The following THSD7A variants were observed in gnomAD, a reference collection of about 807,000 sequenced individuals.
THSD7A encodes thrombospondin type-1 domain-containing protein 7A.
In THSD7A, 96 loss-of-function variants were observed where a neutral mutation model predicts 231.3. The observed-to-expected ratio is 0.41, with a 90% confidence interval of 0.35 to 0.49. The LOEUF is 0.49. Ranked by LOEUF, THSD7A falls within the 20% of genes least tolerant of loss-of-function variation. The pLI is 0.05. For synonymous variants in THSD7A, 940 were observed against 743.3 expected, an observed-to-expected ratio of 1.26 and a Z score of -4.30; for missense variants, 2,290 against 2,070.2, an observed-to-expected ratio of 1.11 and a Z score of -2.06.
intron 2 of THSD7A, among the ~76,000 whole-genome samples, chr7:11,621,793 C>G (rs1339236147): frequency 6.6e-6 from 1 of 152,032 alleles, no homozygotes; most frequent in African/African-American, 2.4e-5. Flanking sequence ...ACCAGTGATG[C>G]AGTAATTTTT....
At chr7:11,766,057 G>A (rs1050518262) in intron 1 of THSD7A, among the ~76,000 whole-genome samples, 2 of 152,006 alleles carry the variant, frequency 1.3e-5, no homozygotes, top group Non-Finnish European at 2.9e-5. Flanking sequence ...AGCTAAAAGT[G>A]AAAAAAATAC....
At chr7:11,687,888 A>AT (rs1015143302) in intron 1 of THSD7A, among the ~76,000 whole-genome samples, 2 of 150,766 alleles carry the variant, frequency 1.3e-5, no homozygotes, top group African/African-American at 4.9e-5. Context: ...ATTTAATTTT[A>AT]TTTTTTTAAG....
intron 1 of THSD7A, among the ~76,000 whole-genome samples, chr7:11,694,014 C>T (rs535980859): frequency 6.6e-6 from 1 of 151,424 alleles, no homozygotes; most frequent in Non-Finnish European, 1.5e-5. Context: ...AGGTTTCTAA[C>T]GGTAGTCAGA....
intron 23 of THSD7A, among the ~76,000 whole-genome samples, chr7:11,391,726 C>A (rs1391620252): frequency 6.6e-6 from 1 of 152,196 alleles, no homozygotes; most frequent in Non-Finnish European, 1.5e-5. Context: ...GTGGTTGAAA[C>A]CCAGGGCCCT....
rs1169144223 is a variant in THSD7A at position 11,820,972 on chromosome 7, G to A, written c.190+10785C>T. On this transcript the variant is annotated intron_variant, in intron 1 of 27. Coordinates refer to ENST00000423059, the MANE Select transcript of THSD7A (RefSeq NM_015204.3). ...TTTTTATGACGTTCAATATCAAGGCGGAGATCAACAGGATCATCTCTGTAT... is the reference window on the plus strand; with the variant it reads ...TTTTTATGACGTTCAATATCAAGGCAGAGATCAACAGGATCATCTCTGTAT... The A allele has an allele frequency of 3.9e-5, 40 of 1,036,694 alleles. 1 individual carries two copies. The Admixed American group carries it at 7.4e-4, about 19-fold the overall frequency. The allele number at this position is 1,036,694 out of a possible 1,614,324, so 64.2% of individuals were successfully genotyped here.
rs901592604 is a variant in THSD7A, at chr7:11,491,607, C to A, written c.1823-9625G>T. Among the ~76,000 whole-genome samples the A allele has an allele frequency of 1.6e-4, 24 of 148,612 alleles. 1 individual carries two copies. Among genetic ancestry groups the A allele is most frequent in the East Asian group, 7.9e-4 (4 of 5,048 alleles). On this transcript the variant is annotated intron_variant, in intron 6 of 27. Coordinates refer to ENST00000423059, the MANE Select transcript of THSD7A (RefSeq NM_015204.3). The stretch of plus-strand genomic sequence containing the variant: ...GTACTTAATGAGAGGAATTATGCTA[C>A]TAAATAAGATAAATTATATATCATA...
chr7:11,472,576 T>C (rs1458174878), intron 8 of THSD7A, among the ~76,000 whole-genome samples: 2 of 152,148 alleles, frequency 1.3e-5, no homozygotes, highest in Non-Finnish European at 2.9e-5. Context: ...ACATAAGTCA[T>C]TGAATGAAGG....
intron 13 of THSD7A, among the ~76,000 whole-genome samples, chr7:11,429,958 T>C (rs911013536): frequency 6.6e-6 from 1 of 152,230 alleles, no homozygotes; most frequent in Non-Finnish European, 1.5e-5. Flanking sequence ...AACTACAAAC[T>C]TGCCATTTCA....
chr7:11,623,354 G>A (rs1003272364), intron 2 of THSD7A, among the ~76,000 whole-genome samples: 3 of 152,070 alleles, frequency 2.0e-5, no homozygotes, highest in East Asian at 3.9e-4. Context: ...GACCCTGGGG[G>A]TGAGTGCCTC....
intron 23 of THSD7A, among the ~76,000 whole-genome samples, chr7:11,388,595 G>A (rs758331626): frequency 2.2e-4 from 34 of 151,670 alleles, no homozygotes; most frequent in African/African-American, 4.6e-4. Flanking sequence ...TTCTTTCTTC[G>A]TCTGGCTAGC....
At chr7:11,537,886 G>C (rs373480701) in intron 6 of THSD7A, among the ~76,000 whole-genome samples, 1 of 152,274 alleles carries the variant, frequency 6.6e-6, no homozygotes, top group African/African-American at 2.4e-5. Flanking sequence ...CTTAGACATA[G>C]GCCTTCTTCA....
At chr7:11,797,749 G>C (rs190785715) in intron 1 of THSD7A, among the ~76,000 whole-genome samples, 1 of 152,072 alleles carries the variant, frequency 6.6e-6, no homozygotes, top group African/African-American at 2.4e-5. Context: ...AGAGATGCTT[G>C]TGGAATTTCA....
intron 1 of THSD7A, among the ~76,000 whole-genome samples, chr7:11,746,997 C>G (rs7788213): frequency 6.6e-6 from 1 of 151,810 alleles, no homozygotes; most frequent in South Asian, 2.1e-4. Flanking sequence ...ATCCACATTA[C>G]AAAGTAATAT....
At chr7:11,801,763 A>C (rs914494878) in intron 1 of THSD7A, among the ~76,000 whole-genome samples, 1 of 152,188 alleles carries the variant, frequency 6.6e-6, no homozygotes, top group African/African-American at 2.4e-5. Flanking sequence ...GTATGTCGTA[A>C]TCATGTTTTT....
chr7:11,530,444 T>A (rs578168613), intron 6 of THSD7A, among the ~76,000 whole-genome samples: 1 of 152,276 alleles, frequency 6.6e-6, no homozygotes, highest in South Asian at 2.1e-4. Context: ...GTTCAGAGAT[T>A]TATTGACAAT....
Position 11,636,450 on chromosome 7 carries a change from G to A in THSD7A, c.702C>T (p.Asn234=). The change falls in exon 2 of 28, where the codon AAC becomes AAT. Residue 234 remains asparagine (N), a synonymous_variant. Transcript: ENST00000423059. The surrounding 1 kb of genome is among the most constrained non-coding windows in gnomAD (Gnocchi z 10.0). ...ATTGGCACACCTGGAACTCCGTCAG[G>A]TTTGGACAGCCAGAGCCTCCGAACT... ...PPQFGGSGCP[N]LTEFQVCQSS... The A allele has an allele frequency of 6.2e-7, 1 of 1,613,658 alleles. No homozygotes were observed. The highest frequency in any genetic ancestry group is 1.1e-5 in the South Asian group (1 of 91,084).
chr7:11,770,809 T>C (rs1783196048), intron 1 of THSD7A, among the ~76,000 whole-genome samples: 1 of 152,130 alleles, frequency 6.6e-6, no homozygotes, highest in African/African-American at 2.4e-5. Context: ...TACTGAAATA[T>C]ATCAAGATTT....
chr7:11,662,219 G>C (rs77834163), intron 1 of THSD7A, among the ~76,000 whole-genome samples: 9,291 of 151,136 alleles, frequency 0.061, 309 homozygotes, highest in East Asian at 0.13. Context: ...TCTATATATT[G>C]CTTATAAGAA....
chr7:11,520,603 T>C (rs1788223479), intron 6 of THSD7A, among the ~76,000 whole-genome samples: 1 of 152,204 alleles, frequency 6.6e-6, no homozygotes, highest in African/African-American at 2.4e-5. Context: ...ATTGATGTCA[T>C]ATTTACTTAT....
Sources: gnomAD v4.1 joint callset for allele counts (sites outside exome capture counted in the v4.1 genomes callset) on GRCh38, gnomAD v4.1.1 for gene constraint, Gnocchi (gnomAD v3.1) non-coding constraint, MANE v1.5 for transcripts, NCBI Gene and HGNC (gene_info 2026-07-23, HGNC 2026-07-21) for gene names.